SLC2A9: variants seen among roughly 807,000 people sequenced by gnomAD.
SLC2A9 encodes solute carrier family 2, facilitated glucose transporter member 9.
SLC2A9 carries 39 observed loss-of-function variants against 50.6 expected under a neutral mutation model. That is an observed-to-expected ratio of 0.77 (90% confidence interval 0.60 to 1.01). The LOEUF (loss-of-function observed/expected upper bound fraction) is 1.01. Ranked by LOEUF, SLC2A9 falls within the 50% of genes least tolerant of loss-of-function variation. The pLI, the probability that SLC2A9 is intolerant of heterozygous loss-of-function variation, is 0.00. For synonymous variants in SLC2A9, 324 were observed against 276.9 expected, an observed-to-expected ratio of 1.17 and a Z score of -1.69; for missense variants, 686 against 677.6, an observed-to-expected ratio of 1.01 and a Z score of -0.14.
chr4:9,842,165 T>C (rs1454960771), intron 10 of SLC2A9, among the ~76,000 whole-genome samples: 1 of 152,216 alleles, frequency 6.6e-6, no homozygotes, highest in Non-Finnish European at 1.5e-5. Context: ...CTCATTTTCT[T>C]AGGTATTTGC....
intron 5 of SLC2A9, among the ~76,000 whole-genome samples, chr4:9,959,933 G>C (rs1282707712): frequency 6.6e-6 from 1 of 152,176 alleles, no homozygotes; most frequent in African/African-American, 2.4e-5. Flanking sequence ...AGATGAATTT[G>C]GTGGTAGGCA....
chr4:9,853,651 C>T (rs181536289), intron 10 of SLC2A9, among the ~76,000 whole-genome samples: 1 of 152,298 alleles, frequency 6.6e-6, no homozygotes, highest in African/African-American at 2.4e-5. Context: ...CCAAATGAAC[C>T]TGACAGACAT....
chr4:9,928,149 G>C (rs1348997618), intron 6 of SLC2A9, among the ~76,000 whole-genome samples: 1 of 152,092 alleles, frequency 6.6e-6, no homozygotes, highest in African/African-American at 2.4e-5. Context: ...CAAATTAAAG[G>C]TAAAACTAAC....
chr4:10,024,729 G>A (rs1763696394), upstream of SLC2A9, among the ~76,000 whole-genome samples: 1 of 152,114 alleles, frequency 6.6e-6, no homozygotes, highest in Non-Finnish European at 1.5e-5. Context: ...CATCACTTCT[G>A]GAACTGACCT....
intron 5 of SLC2A9, among the ~76,000 whole-genome samples, chr4:9,944,489 G>C (rs1175937384): frequency 1.3e-5 from 2 of 152,194 alleles, no homozygotes; most frequent in Admixed American, 6.5e-5. Context: ...TCTTTCTTAA[G>C]GGGGGTCGCA....
chr4:9,991,947 A>G (rs986533347), intron 3 of SLC2A9, among the ~76,000 whole-genome samples: 6 of 152,238 alleles, frequency 3.9e-5, no homozygotes, highest in African/African-American at 1.4e-4. Context: ...TGCCACATAC[A>G]CTGAAGGCTC....
chr4:9,972,500 C>T (rs1754072553), intron 5 of SLC2A9, among the ~76,000 whole-genome samples: 1 of 152,200 alleles, frequency 6.6e-6, no homozygotes, highest in East Asian at 1.9e-4. Context: ...TTCTTGCCTT[C>T]TAGCAGCCTA....
At chr4:9,995,434 A>G (rs756146011) in intron 3 of SLC2A9, among the ~76,000 whole-genome samples, 10 of 152,154 alleles carry the variant, frequency 6.6e-5, no homozygotes, top group Non-Finnish European at 1.2e-4. Flanking sequence ...GCTTTGAAAC[A>G]TCGTCAACTC....
At chr4:9,890,748 T>G (rs767812430) in intron 8 of SLC2A9, 37 bp from the exon 9 acceptor site, 1 of 1,561,994 alleles carries the variant, frequency 6.4e-7, no homozygotes, top group Admixed American at 1.7e-5. Flanking sequence ...GAGCTATTAT[T>G]CCATTTCTAA....
intron 5 of SLC2A9, among the ~76,000 whole-genome samples, chr4:9,946,940 T>C (rs998676): frequency 0.57 from 87,210 of 152,038 alleles, 26,231 homozygotes; most frequent in African/African-American, 0.77. Context: ...CAAAATCAAC[T>C]GAATTGAATG....
chr4:9,839,741 T>C (rs572638503), intron 10 of SLC2A9, among the ~76,000 whole-genome samples: 1 of 152,126 alleles, frequency 6.6e-6, no homozygotes. Context: ...AAACCAAATA[T>C]TACATTTTCT....
At chr4:9,811,117 C>G (rs1356643) in intron 3 of SLC2A9, among the ~76,000 whole-genome samples, 18,987 of 151,420 alleles carry the variant, frequency 0.13, 1,228 homozygotes, top group Middle Eastern at 0.16. Context: ...ATCAGAGGAA[C>G]TAACCCTCCT....
At chr4:9,797,182 T>G (rs1393678099), downstream of SLC2A9, among the ~76,000 whole-genome samples, 1 of 152,180 alleles carries the variant, frequency 6.6e-6, no homozygotes, top group African/African-American at 2.4e-5. Flanking sequence ...CTACAGACTG[T>G]GGTCACTGCA....
chr4:9,850,289 G>A (rs1400251858), intron 10 of SLC2A9, among the ~76,000 whole-genome samples: 2 of 152,198 alleles, frequency 1.3e-5, no homozygotes, highest in African/African-American at 4.8e-5. Flanking sequence ...GAACTGCTTA[G>A]ACAGGTGGCA....
intron 3 of SLC2A9, chr4:9,782,439 A>G (rs1418448667): frequency 6.2e-7 from 1 of 1,613,962 alleles, no homozygotes. Context: ...ATCAGCGTGG[A>G]CCGCTACTGG....
At chr4:10,032,292 G>A (rs186689364) in intron 1 of SLC2A9, among the ~76,000 whole-genome samples, 86 of 152,286 alleles carry the variant, frequency 5.6e-4, no homozygotes, top group African/African-American at 1.7e-3. Flanking sequence ...ATGTGGGGTT[G>A]TGGGTTGGGT....
intron 10 of SLC2A9, chr4:9,879,950 C>T (rs1734925750): frequency 1.0e-6 from 1 of 985,468 alleles, no homozygotes; most frequent in South Asian, 4.7e-5. Flanking sequence ...AACTCCTTGT[C>T]AAGTCTTCTT....
At chr4:9,883,674 C>T (rs1220081991) in intron 10 of SLC2A9, among the ~76,000 whole-genome samples, 3 of 152,224 alleles carry the variant, frequency 2.0e-5, no homozygotes, top group Admixed American at 6.5e-5. Flanking sequence ...TAAGCCACTG[C>T]TTCTGGGTTT....
intron 3 of SLC2A9, among the ~76,000 whole-genome samples, chr4:9,987,794 C>T (rs1308178277): frequency 2.0e-5 from 3 of 152,000 alleles, no homozygotes; most frequent in Non-Finnish European, 2.9e-5. Context: ...TGCCACCGCA[C>T]TCCAACCTGG....
Sources: allele counts gnomAD v4.1 joint callset (sites outside exome capture counted in the v4.1 genomes callset), GRCh38; gene constraint gnomAD v4.1.1; transcripts MANE v1.5; gene names NCBI Gene and HGNC (gene_info 2026-07-23, HGNC 2026-07-21).